MYT1L: variants seen among roughly 807,000 people sequenced by gnomAD.
MYT1L encodes the protein myelin transcription factor 1 like.
In MYT1L, 12 loss-of-function variants were observed where a neutral mutation model predicts 126.7. That is an observed-to-expected ratio of 0.09 (90% CI 0.06 to 0.15). The LOEUF (loss-of-function observed/expected upper bound fraction) is 0.15, where lower values mean the gene tolerates loss of function less well. MYT1L is among the 10% of genes least tolerant of loss of function. The probability of loss-of-function intolerance (pLI) is 1.00; values close to 1 mark genes in which losing one functional copy is unlikely to be tolerated. For synonymous variants in MYT1L, 541 were observed against 604.2 expected (o/e 0.90, Z 1.53); for missense variants, 979 against 1,585.2 (o/e 0.62, Z 6.49).
chr2:1,919,418 G>GA (rs572915893), intron 10 of MYT1L, among the ~76,000 whole-genome samples: 17 of 151,654 alleles, frequency 1.1e-4, no homozygotes, highest in Non-Finnish European at 1.0e-4. Context: ...ACAACTTACA[G>GA]AAAAAAAAAG....
In MYT1L at chr2:1,943,953, A is replaced by G. The variant is rs1206253943; in HGVS notation, c.153-619T>C. Among the ~76,000 whole-genome samples, 1 of 152,126 alleles carries G rather than the reference A, an allele frequency of 6.6e-6. No homozygotes were observed. Among genetic ancestry groups the G allele is most frequent in the African/African-American group, 2.4e-5 (1 of 41,432 alleles). ...TTCTGCAGAACTTCCTCAGTCTTAG[A>G]TGTTATTAGTCCCACGCCAGCATTC... On this transcript the variant is annotated intron_variant, in intron 8 of 24. Coordinates refer to ENST00000647738, the MANE Select transcript of MYT1L (RefSeq NM_001303052.2). The surrounding 1 kb of genome is among the most constrained non-coding windows in gnomAD (Gnocchi z 4.4).
chr2:1,860,076 T>C (rs1247213087), intron 18 of MYT1L, among the ~76,000 whole-genome samples: 1 of 152,232 alleles, frequency 6.6e-6, no homozygotes, highest in African/African-American at 2.4e-5. Context: ...GCTGCCCTCG[T>C]TGCCAACACT....
intron 2 of MYT1L, among the ~76,000 whole-genome samples, chr2:2,183,657 A>C (rs1311264748): frequency 6.6e-6 from 1 of 152,132 alleles, no homozygotes; most frequent in East Asian, 1.9e-4. Context: ...AAAAGTTATC[A>C]GCATATGACA....
chr2:1,971,543 C>A (rs2149447310), intron 8 of MYT1L, among the ~76,000 whole-genome samples: 1 of 152,256 alleles, frequency 6.6e-6, no homozygotes, highest in African/African-American at 2.4e-5. Flanking sequence ...CCAACCTGGC[C>A]AACATGGTGA....
chr2:1,886,315 T>C (rs1372761376), intron 18 of MYT1L: 2 of 392,082 alleles, frequency 5.1e-6, no homozygotes. Flanking sequence ...AGGAAGGATA[T>C]GATATGAACA....
At chr2:1,990,763 T>C (rs1380822812) in intron 5 of MYT1L, among the ~76,000 whole-genome samples, 1 of 152,118 alleles carries the variant, frequency 6.6e-6, no homozygotes, top group Admixed American at 6.5e-5. Context: ...CAGCCCTGCC[T>C]TCTAAGGTGC....
In MYT1L at chr2:1,979,542, G is replaced by C. The variant is rs2060443639; in HGVS notation, c.68C>G (p.Pro23Arg). ...RSKGVRVPVE[P>R]AIQELFSCPT... ...TAACCTGAACAGCTCTTGTATGGCT[G>C]GTTCCACGGGAACTGCAGAGAGATG... Residue 23 changes from proline (P) to arginine (R), a missense_variant, in exon 7 of 25, where the codon CCA becomes CGA. Pro to Arg is a moderately radical substitution (Grantham distance 103). Coordinates refer to ENST00000647738, the MANE Select transcript of MYT1L (RefSeq NM_001303052.2). This position sits in a 1 kb window ranked among gnomAD's most constrained non-coding sequence, Gnocchi z 4.0. 1 of 1,613,538 alleles carries C rather than the reference G, an allele frequency of 6.2e-7. No homozygotes were observed. Among genetic ancestry groups the C allele is most frequent in the African/African-American group, 1.3e-5 (1 of 74,890 alleles).
chr2:1,991,150 C>T (rs997555621), intron 5 of MYT1L, among the ~76,000 whole-genome samples: 5 of 152,200 alleles, frequency 3.3e-5, no homozygotes, highest in Non-Finnish European at 7.3e-5. Context: ...CCCCTTCCAG[C>T]CTGCTTCCGA....
At chr2:1,963,300 G>GT (rs1220350844) in intron 8 of MYT1L, among the ~76,000 whole-genome samples, 33 of 152,314 alleles carry the variant, frequency 2.2e-4, no homozygotes, top group Admixed American at 9.1e-4. Context: ...AAACCATGCT[G>GT]TAAACAAATG....
At chr2:2,105,301 G>A (rs577452561) in intron 3 of MYT1L, among the ~76,000 whole-genome samples, 1 of 152,272 alleles carries the variant, frequency 6.6e-6, no homozygotes, top group African/African-American at 2.4e-5. Context: ...ACAGACCAGG[G>A]AATCAGAGAT....
chr2:1,887,369 T>C lies in MYT1L; in HGVS notation c.2642+119A>G. 1.5e-6 allele frequency: 2 copies of C among 1,352,690 alleles called. No homozygotes were observed. The highest frequency in any genetic ancestry group is 2.1e-6 in the Non-Finnish European group (2 of 964,322). The allele number at this position is 1,352,690 out of a possible 1,614,324, so 83.8% of individuals were successfully genotyped here. On this transcript the variant is annotated intron_variant, in intron 17 of 24. Transcript: ENST00000647738. This position sits in a 1 kb window ranked among gnomAD's most constrained non-coding sequence, Gnocchi z 4.8. Reference sequence around the variant, plus strand: ...TACTGACCCAGCAGTCGGAAACATTTATATGCTGCGAATGTCGCATGCTCA... The same window carrying C: ...TACTGACCCAGCAGTCGGAAACATTCATATGCTGCGAATGTCGCATGCTCA...
chr2:2,126,652 G>A (rs796792175), intron 3 of MYT1L, among the ~76,000 whole-genome samples: 1 of 152,304 alleles, frequency 6.6e-6, no homozygotes, highest in Non-Finnish European at 1.5e-5. Context: ...CAGGACTCTC[G>A]CTCTGATGAG....
At chr2:1,933,211 C>T (rs574558172) in intron 9 of MYT1L, among the ~76,000 whole-genome samples, 1 of 151,856 alleles carries the variant, frequency 6.6e-6, no homozygotes, top group Non-Finnish European at 1.5e-5. Flanking sequence ...ATGACAGGGC[C>T]CTTCTGCAGA....
intron 4 of MYT1L, among the ~76,000 whole-genome samples, chr2:2,004,400 T>C (rs142283450): frequency 8.0e-6 from 1 of 125,402 alleles, no homozygotes; most frequent in Non-Finnish European, 1.5e-5. Flanking sequence ...CTTTCCTGCA[T>C]GCGTTCTTTC....
At chr2:1,973,562 G>A (rs1433864436) in intron 8 of MYT1L, among the ~76,000 whole-genome samples, 2 of 152,176 alleles carry the variant, frequency 1.3e-5, no homozygotes, top group East Asian at 1.9e-4. Flanking sequence ...GTTGACATGC[G>A]ATATTTTAGC....
chr2:2,180,506 G>A (rs2091300593), intron 2 of MYT1L, among the ~76,000 whole-genome samples: 1 of 152,096 alleles, frequency 6.6e-6, no homozygotes, highest in Non-Finnish European at 1.5e-5. Flanking sequence ...GCCTGAAGGT[G>A]TATGCGAACC....
At chr2:2,095,697 G>A (rs990260468) in intron 3 of MYT1L, among the ~76,000 whole-genome samples, 1 of 151,906 alleles carries the variant, frequency 6.6e-6, no homozygotes, top group African/African-American at 2.4e-5. Context: ...AAGGGTTTTT[G>A]ACAGGACACC....
chr2:2,190,884 C>G (rs1487593045), intron 2 of MYT1L, among the ~76,000 whole-genome samples: 2 of 152,208 alleles, frequency 1.3e-5, no homozygotes. Flanking sequence ...CTCCCAGGTT[C>G]AAGTGATTCT....
chr2:2,283,324 A>T (rs995722491), intron 2 of MYT1L, among the ~76,000 whole-genome samples: 2 of 152,202 alleles, frequency 1.3e-5, no homozygotes, highest in Non-Finnish European at 2.9e-5. Flanking sequence ...TACAATGGAC[A>T]TACACTAATT....
Sources: gnomAD v4.1 joint callset for allele counts (sites outside exome capture counted in the v4.1 genomes callset) on GRCh38, gnomAD v4.1.1 for gene constraint, Gnocchi (gnomAD v3.1) non-coding constraint, MANE v1.5 for transcripts, NCBI Gene and HGNC (gene_info 2026-07-23, HGNC 2026-07-21) for gene names.